The following TIRAP variants were observed in gnomAD, a reference collection of about 807,000 sequenced individuals.
The protein encoded by TIRAP is TIR domain containing adaptor protein.
TIRAP carries 20 observed loss-of-function variants against 19.8 expected under a neutral mutation model. The ratio of observed to expected loss-of-function variants is 1.01; its 90% CI spans 0.71 to 1.47. TIRAP has a LOEUF of 1.47. Among genes scored for constraint, TIRAP ranks in the 40% most tolerant of loss-of-function variants. The pLI is 0.00. For missense variants in TIRAP, 276 were observed against 285.1 expected (o/e 0.97, Z 0.23); for synonymous variants, 125 against 121.7 (o/e 1.03, Z -0.18).
rs961599414 is a variant in TIRAP, at chr11:126,287,325, T to A, written c.-216-3137T>A. ...ATACTAAATACACTTTGGATTTTTT[T>A]TTTTTTATTTTTGAGACTTGAGTCT... On this transcript the variant is annotated intron_variant, in intron 1 of 4. Transcript: ENST00000392679. The surrounding 1 kb of genome is among the most constrained non-coding windows in gnomAD (Gnocchi z 4.2). Among the ~76,000 whole-genome samples the A allele has an allele frequency of 6.6e-5, 10 of 152,266 alleles. No homozygotes were observed. The highest frequency in any genetic ancestry group is 1.9e-4 in the East Asian group (1 of 5,188).
At chr11:126,283,958 C>T (rs1951285624) in intron 1 of TIRAP, among the ~76,000 whole-genome samples, 1 of 152,130 alleles carries the variant, frequency 6.6e-6, no homozygotes, top group South Asian at 2.1e-4. Context: ...ATGACTACAT[C>T]CCTGGCTTCT....
In TIRAP at chr11:126,288,791, ATAT is replaced by A. The variant is rs1404915944; in HGVS notation, c.-216-1667_-216-1665del. ...ATCTACATATATTAAGTAGATTAAC[ATAT>A]TATGTTAATTTTTAACCTTTAGAAT... On this transcript the variant is annotated intron_variant, in intron 1 of 4. Coordinates refer to ENST00000392679, the MANE Select transcript of TIRAP (RefSeq NM_001318777.2). The surrounding 1 kb of genome is among the most constrained non-coding windows in gnomAD (Gnocchi z 5.0). Among the ~76,000 whole-genome samples the A allele has an allele frequency of 6.6e-6, 1 of 152,236 alleles. No homozygotes were observed. Among genetic ancestry groups the A allele is most frequent in the African/African-American group, 2.4e-5 (1 of 41,446 alleles).
chr11:126,293,202 C>G (rs1951430118), intron 4 of TIRAP, 147 bp downstream of exon 4: 4 of 1,446,612 alleles, frequency 2.8e-6, no homozygotes, highest in Non-Finnish European at 3.8e-6. Context: ...GGCTCCTGCA[C>G]TTATTAACCC....
chr11:126,284,222 C>A (rs1417181894), intron 1 of TIRAP, among the ~76,000 whole-genome samples: 2 of 151,856 alleles, frequency 1.3e-5, no homozygotes, highest in Non-Finnish European at 2.9e-5. Context: ...TCAGTAGCGA[C>A]GGGGTTTCGC....
chr11:126,284,562 C>T (rs1178061583), intron 1 of TIRAP, among the ~76,000 whole-genome samples: 1 of 151,904 alleles, frequency 6.6e-6, no homozygotes, highest in Non-Finnish European at 1.5e-5. Context: ...TTTTGGTAAA[C>T]ATCTGTAAGC....
rs1339276968 is a variant in TIRAP, at chr11:126,292,730, G to A, written c.321G>A (p.Leu107=). 5 of 1,613,390 alleles carry A rather than the reference G, an allele frequency of 3.1e-6. No homozygotes were observed. The South Asian group carries it at 3.3e-5, about 11-fold the overall frequency. ...CCGCCCAGGACCTGGTCTCCTACTT[G>A]GAAGGCAGCACTGCCAGCCTGCGCT... is the stretch of plus-strand genomic sequence containing the variant. ...LVAAQDLVSY[L]EGSTASLRCF... Residue 107 remains leucine (L), a synonymous_variant, in exon 4 of 5, where the codon TTG becomes TTA. Transcript: ENST00000392679.
At position 126,292,594 on chromosome 11, in the gene TIRAP, G is replaced by C. The variant is rs1951408893; in HGVS notation, c.185G>C (p.Ser62Thr). The change falls in exon 4 of 5, where the codon AGC (serine) becomes ACC (threonine). Residue 62 changes from serine (S) to threonine (T), a missense_variant. Physicochemically the swap from Ser to Thr is moderately conservative, Grantham distance 58. Transcript: ENST00000392679. Reference sequence around the variant, plus strand: ...GACAGCCCACTACCCCCAAGCCTCAGCTCAGTCACGTCTCCCAGCCTGCCA... The same window carrying C: ...GACAGCCCACTACCCCCAAGCCTCACCTCAGTCACGTCTCCCAGCCTGCCA... ...SQDSPLPPSL[S>T]SVTSPSLPPT... is the part of the protein sequence containing the mutation. 6.2e-7 allele frequency: 1 copy of C among 1,614,192 alleles called. No homozygotes were observed. Among genetic ancestry groups the C allele is most frequent in the African/African-American group, 1.3e-5 (1 of 75,052 alleles).
Position 126,289,961 on chromosome 11 carries a change from T to G in TIRAP, c.-216-501T>G, listed in dbSNP as rs151025684. 4.0e-3 allele frequency: 1,482 copies of G among 370,900 alleles called. 6 individuals carry two copies. Among genetic ancestry groups the G allele is most frequent in the Non-Finnish European group, 5.1e-3 (1,372 of 268,594 alleles). 23.0% of individuals were successfully genotyped at this position (370,900 alleles called of 1,614,324 possible). On this transcript the variant is annotated intron_variant, in intron 1 of 4. Coordinates refer to ENST00000392679, the MANE Select transcript of TIRAP (RefSeq NM_001318777.2). Reference sequence around the variant, plus strand: ...TCTAGACTTTGGAACAGCACTGAATTAATGATCAGTTTGGGAAACGTTAAC... The same window carrying G: ...TCTAGACTTTGGAACAGCACTGAATGAATGATCAGTTTGGGAAACGTTAAC...
At chr11:126,285,430 T>C (rs1393357773) in intron 1 of TIRAP, among the ~76,000 whole-genome samples, 1 of 151,082 alleles carries the variant, frequency 6.6e-6, no homozygotes, top group Non-Finnish European at 1.5e-5. Flanking sequence ...CCCAGCTAAT[T>C]TTTGTATTTT....
rs1166974281 is a variant in TIRAP, at chr11:126,286,101, CTGT to C, written c.-217+2949_-217+2951del. Reference sequence around the variant, plus strand: ...AAAGGTCGGGTGTGGTGGCTCATGCCTGTATGTAATCCCAGCACTTTGGGAGGT... The same window carrying C: ...AAAGGTCGGGTGTGGTGGCTCATGCCATGTAATCCCAGCACTTTGGGAGGT... On this transcript the variant is annotated intron_variant, in intron 1 of 4. Transcript: ENST00000392679. 4.2e-5 allele frequency among the ~76,000 whole-genome samples: 6 copies of C among 143,508 alleles called. No homozygotes were observed. The East Asian group carries it at 1.3e-3, about 30-fold the overall frequency. The allele number at this position is 143,508 out of a possible 152,430, so 94.1% of individuals were successfully genotyped here.
At chr11:126,289,068 G>A (rs566828018) in intron 1 of TIRAP, among the ~76,000 whole-genome samples, 17 of 152,154 alleles carry the variant, frequency 1.1e-4, no homozygotes, top group Non-Finnish European at 1.9e-4. Flanking sequence ...GTCCAGTGCC[G>A]TTTTGGTGGC....
intron 1 of TIRAP, among the ~76,000 whole-genome samples, chr11:126,284,190 C>G (rs1024204625): frequency 1.3e-5 from 2 of 152,058 alleles, no homozygotes; most frequent in Admixed American, 6.6e-5. Context: ...CCTGCCACCA[C>G]GCCCGGCTAA....
chr11:126,290,646 G>T lies in TIRAP; in HGVS notation c.-93+61G>T. ...CTAGAATCCAGCTCCAATCACAGTCGTGTCTGGCCCTAATCTCATGAGGAA... is the reference window on the plus strand; with the variant it reads ...CTAGAATCCAGCTCCAATCACAGTCTTGTCTGGCCCTAATCTCATGAGGAA... On this transcript the variant is annotated intron_variant, in intron 2 of 4. Transcript: ENST00000392679. This position sits in a 1 kb window ranked among gnomAD's most constrained non-coding sequence, Gnocchi z 4.9. 7.8e-7 allele frequency: 1 copy of T among 1,289,658 alleles called. No homozygotes were observed. The highest frequency in any genetic ancestry group is 3.6e-5 in the East Asian group (1 of 27,728). The allele number at this position is 1,289,658 out of a possible 1,614,324, so 79.9% of individuals were successfully genotyped here. A position where few individuals can be genotyped will look rare whatever the true frequency, so the allele number is the denominator to read the frequency against.
chr11:126,285,260 T>A lies in TIRAP; in HGVS notation c.-217+2107T>A, dbSNP rs199566894. 1.5e-3 allele frequency among the ~76,000 whole-genome samples: 209 copies of A among 135,424 alleles called. 1 individual carries two copies. The highest frequency in any genetic ancestry group is 8.3e-3 in the South Asian group (35 of 4,198). 88.8% of individuals were successfully genotyped at this position (135,424 alleles called of 152,430 possible). A position where few individuals can be genotyped will look rare whatever the true frequency, so the allele number is the denominator to read the frequency against. On this transcript the variant is annotated intron_variant, in intron 1 of 4. Transcript: ENST00000392679. ...GTGTGTGTGTATATATATATATATA[T>A]AATATATATTTTATTTGATTTTTGA... is the stretch of plus-strand genomic sequence containing the variant.
In TIRAP at chr11:126,290,330, G is replaced by A. The variant is rs538145206; in HGVS notation, c.-216-132G>A. ...ATGGGTCTATGGATGGAGTTATTCAGGGGGAGGCAGACTTGGAGGAAAAGT... is the reference window on the plus strand; with the variant it reads ...ATGGGTCTATGGATGGAGTTATTCAAGGGGAGGCAGACTTGGAGGAAAAGT... On this transcript the variant is annotated intron_variant, in intron 1 of 4. Transcript: ENST00000392679. The surrounding 1 kb of genome is among the most constrained non-coding windows in gnomAD (Gnocchi z 4.9). The A allele has an allele frequency of 1.4e-5, 9 of 665,630 alleles. No homozygotes were observed. The highest frequency in any genetic ancestry group is 1.7e-5 in the Non-Finnish European group (9 of 538,002). 41.2% of individuals were successfully genotyped at this position (665,630 alleles called of 1,614,324 possible). A position where few individuals can be genotyped will look rare whatever the true frequency, so the allele number is the denominator to read the frequency against.
In TIRAP at chr11:126,293,369, A is replaced by G. The variant is rs903580469; in HGVS notation, c.647-299A>G. On this transcript the variant is annotated intron_variant, in intron 4 of 4. Coordinates refer to ENST00000392679, the MANE Select transcript of TIRAP (RefSeq NM_001318777.2). ...TTCATAACAGGCAGCGCCTAGCACA[A>G]ATCAGGTCCTCAAGTTAATAGCTAG... 1.8e-5 allele frequency: 13 copies of G among 706,458 alleles called. 1 individual carries two copies. Among genetic ancestry groups the G allele is most frequent in the South Asian group, 9.0e-5 (6 of 66,850 alleles). 43.8% of individuals were successfully genotyped at this position (706,458 alleles called of 1,614,324 possible). A position where few individuals can be genotyped will look rare whatever the true frequency, so the allele number is the denominator to read the frequency against.
rs776177920 is a variant in TIRAP, at chr11:126,291,159, C to A, written c.67+198C>A. On this transcript the variant is annotated intron_variant, in intron 3 of 4. Coordinates refer to ENST00000392679, the MANE Select transcript of TIRAP (RefSeq NM_001318777.2). This position sits in a 1 kb window ranked among gnomAD's most constrained non-coding sequence, Gnocchi z 5.6. ...GAGGCCTGCGTCAGCTCAGCCAGATCTTTATCCTTTTGGCTCAAAGGTTTT... is the reference window on the plus strand; with the variant it reads ...GAGGCCTGCGTCAGCTCAGCCAGATATTTATCCTTTTGGCTCAAAGGTTTT... The A allele has an allele frequency of 2.8e-6, 2 of 713,072 alleles. No individual in the cohort carries two copies. The highest frequency in any genetic ancestry group is 4.5e-6 in the Non-Finnish European group (2 of 442,498). 44.2% of individuals were successfully genotyped at this position (713,072 alleles called of 1,614,324 possible). A position where few individuals can be genotyped will look rare whatever the true frequency, so the allele number is the denominator to read the frequency against.
In TIRAP at chr11:126,291,347, GGCTGGGGAA is replaced by G; in HGVS notation, c.67+391_67+399del. 1.1e-6 allele frequency: 1 copy of G among 880,024 alleles called. No homozygotes were observed. The allele number at this position is 880,024 out of a possible 1,614,324, so 54.5% of individuals were successfully genotyped here. A position where few individuals can be genotyped will look rare whatever the true frequency, so the allele number is the denominator to read the frequency against. On this transcript the variant is annotated intron_variant, in intron 3 of 4. Coordinates refer to ENST00000392679, the MANE Select transcript of TIRAP (RefSeq NM_001318777.2). The surrounding 1 kb of genome is among the most constrained non-coding windows in gnomAD (Gnocchi z 5.6). ...ACCACAACTATCTGTCCTTATCAAAGGCTGGGGAAGCTGTTTTCATCTCCTTATGGAGTC... is the reference window on the plus strand; with the variant it reads ...ACCACAACTATCTGTCCTTATCAAAGGCTGTTTTCATCTCCTTATGGAGTC...
chr11:126,290,874 GC>G lies in TIRAP; in HGVS notation c.-20del. On this transcript the variant is annotated 5_prime_UTR_variant, in exon 3 of 5. An upstream open reading frame in the 5' UTR gains an earlier in-frame stop. Transcript: ENST00000392679. This position sits in a 1 kb window ranked among gnomAD's most constrained non-coding sequence, Gnocchi z 4.9. Reference sequence around the variant, plus strand: ...CTTCACCAATGCCTGGTCTCACGGGGCTAGTTTTGACCCCCACGCTATGGCA... The same window carrying G: ...CTTCACCAATGCCTGGTCTCACGGGGTAGTTTTGACCCCCACGCTATGGCA... The G allele has an allele frequency of 6.3e-7, 1 of 1,596,928 alleles. No homozygotes were observed. Among genetic ancestry groups the G allele is most frequent in the Non-Finnish European group, 8.5e-7 (1 of 1,170,312 alleles).
Sources: gnomAD v4.1 joint callset for allele counts (sites outside exome capture counted in the v4.1 genomes callset) on GRCh38, gnomAD v4.1.1 for gene constraint, Gnocchi (gnomAD v3.1) non-coding constraint, MANE v1.5 for transcripts, NCBI Gene and HGNC (gene_info 2026-07-23, HGNC 2026-07-21) for gene names.